Variants in ZBTB10 observed in about 807,000 individuals in gnomAD.
ZBTB10 encodes the protein zinc finger and BTB domain containing 10, also known as zinc finger and BTB domain-containing protein 10.
In ZBTB10, 32 loss-of-function variants were observed where a neutral mutation model predicts 76.4. The observed-to-expected ratio is 0.42, with a 90% CI of 0.32 to 0.56. ZBTB10 has a LOEUF of 0.56. Ranked by LOEUF, ZBTB10 falls within the 20% of genes least tolerant of loss-of-function variation. The pLI, the probability that ZBTB10 is intolerant of heterozygous loss-of-function variation, is 0.14. For synonymous variants in ZBTB10, 523 were observed against 432.9 expected (o/e 1.21, Z -2.58); for missense variants, 1,057 against 1,098.5 (o/e 0.96, Z 0.53).
chr8:80,513,733 C>T (rs201970760), intron 2 of ZBTB10, among the ~76,000 whole-genome samples, 177 bp from the exon 3 acceptor site: 5,616 of 149,674 alleles, frequency 0.038, 239 homozygotes, highest in East Asian at 0.23. Flanking sequence ...AACCAGTACA[C>T]TGTACTCACT....
At chr8:80,513,820 T>TA in intron 2 of ZBTB10, 90 bp from the exon 3 acceptor site, 1 of 1,025,228 alleles carries the variant, frequency 9.8e-7, no homozygotes, top group East Asian at 2.6e-5. Flanking sequence ...TGGTACTTTT[T>TA]ATTTAAGAAA....
chr8:80,485,818 T>C (rs1815429731), upstream of ZBTB10: 1 of 1,535,646 alleles, frequency 6.5e-7, no homozygotes, highest in Non-Finnish European at 8.7e-7. Flanking sequence ...CACCGCACAG[T>C]TATTTGCAAA....
intron 2 of ZBTB10, among the ~76,000 whole-genome samples, chr8:80,509,820 C>G (rs942728511): frequency 1.9e-4 from 29 of 152,030 alleles, no homozygotes; most frequent in African/African-American, 7.0e-4. Flanking sequence ...CTTGGTCTTT[C>G]ACCCATGGAG....
At chr8:80,518,313 G>A (rs1232216275) in intron 3 of ZBTB10, 90 bp from the exon 4 acceptor site, 9 of 1,240,902 alleles carry the variant, frequency 7.3e-6, no homozygotes, top group Admixed American at 5.7e-5. Flanking sequence ...CATAATGCCT[G>A]TAGGATATAA....
intron 3 of ZBTB10, among the ~76,000 whole-genome samples, chr8:80,515,887 A>G (rs1377859220): frequency 6.6e-6 from 1 of 152,234 alleles, no homozygotes; most frequent in Non-Finnish European, 1.5e-5. Flanking sequence ...TTGAATTACA[A>G]TGACAGTACC....
chr8:80,486,372 C>G lies in ZBTB10; in HGVS notation c.-439C>G. On this transcript the variant is annotated 5_prime_UTR_variant, in exon 1 of 6. Transcript: ENST00000455036. The stretch of plus-strand genomic sequence containing the variant: ...AGCCGGCGGCGGCGTCGGGACTCCT[C>G]GGCGCGCGGAGGAAGGATATCTGTG... The G allele has an allele frequency of 1.0e-6, 1 of 988,858 alleles. No homozygotes were observed. The highest frequency in any genetic ancestry group is 1.2e-6 in the Non-Finnish European group (1 of 832,730). The allele number at this position is 988,858 out of a possible 1,614,324, so 61.3% of individuals were successfully genotyped here. A position where few individuals can be genotyped will look rare whatever the true frequency, so the allele number is the denominator to read the frequency against.
rs1299639803 is a variant in ZBTB10 at position 80,524,229 on chromosome 8, G to GT, written c.*4707dup. ...GTTTGAATTATGGAATACTATAAGG[G>GT]TTTTTTGTTTATTTGTATGTTTTTA... is the stretch of plus-strand genomic sequence containing the variant. On this transcript the variant is annotated 3_prime_UTR_variant, in exon 6 of 6. Coordinates refer to ENST00000455036, the MANE Select transcript of ZBTB10 (RefSeq NM_001105539.3). 3 of 151,894 alleles carry GT rather than the reference G, an allele frequency of 2.0e-5. No individual in the cohort carries two copies. Among genetic ancestry groups the GT allele is most frequent in the Non-Finnish European group, 4.4e-5 (3 of 67,880 alleles). 9.4% of individuals were successfully genotyped at this position (151,894 alleles called of 1,614,324 possible).
rs1257648450 is a variant in ZBTB10, at chr8:80,487,283, C to A, written c.473C>A (p.Pro158Gln). Residue 158 changes from proline (P) to glutamine (Q), a missense_variant, in exon 1 of 6, where the codon CCG becomes CAG. Around this residue, in one of 5 missense-constraint regions of ZBTB10, gnomAD observed 556 missense variants for 451.7 expected, o/e 1.23. Transcript: ENST00000455036. ...TTGAGGCATTTCAATGGGCGAGGGC[C>A]GGCGACTGTGGATCTGGAGCTGGAC... is the stretch of plus-strand genomic sequence containing the variant. Reference protein sequence around the residue: ...WPLRHFNGRGPATVDLELDAL... With the variant: ...WPLRHFNGRGQATVDLELDAL... 23 of 1,549,884 alleles carry A rather than the reference C, an allele frequency of 1.5e-5. No individual in the cohort carries two copies. In the East Asian group the frequency reaches 5.4e-4, roughly 36 times the overall value.
rs111720040 is a variant in ZBTB10 at position 80,494,046 on chromosome 8, C to A, written c.973-5448C>A. Among the ~76,000 whole-genome samples the A allele has an allele frequency of 1.2e-3, 183 of 152,270 alleles. 3 individuals carry two copies. The highest frequency in any genetic ancestry group is 4.3e-3 in the African/African-American group (180 of 41,542). On this transcript the variant is annotated intron_variant, in intron 1 of 5. Transcript: ENST00000455036. ...ACTAGCATGTATTTGGCAAAACTTG[C>A]TATGGCCTTGTTTGTCTTCCTTCTA...
chr8:80,512,633 A>G (rs1317164734), intron 2 of ZBTB10, among the ~76,000 whole-genome samples: 5 of 152,050 alleles, frequency 3.3e-5, no homozygotes, highest in Non-Finnish European at 5.9e-5. Flanking sequence ...AATCGGTTGA[A>G]CCTGGGAGGC....
chr8:80,504,310 A>C (rs139571289), intron 2 of ZBTB10, among the ~76,000 whole-genome samples: 1 of 152,296 alleles, frequency 6.6e-6, no homozygotes, highest in Admixed American at 6.5e-5. Flanking sequence ...TCTGCAAACA[A>C]TGCTTGGCAT....
At chr8:80,493,205 G>GCACACACACACACACACACA (rs1475902734) in intron 1 of ZBTB10, among the ~76,000 whole-genome samples, 3 of 98,372 alleles carry the variant, frequency 3.0e-5, no homozygotes, top group African/African-American at 1.1e-4. Context: ...GCGCGCGCGC[G>GCACACACACACACACACACA]CGCACACACA....
At chr8:80,493,207 G>GCGCGCGCGCGCGCGCGCACACA (rs375071529) in intron 1 of ZBTB10, among the ~76,000 whole-genome samples, 3 of 125,240 alleles carry the variant, frequency 2.4e-5, no homozygotes, top group Non-Finnish European at 5.1e-5. Flanking sequence ...GCGCGCGCGC[G>GCGCGCGCGCGCGCGCGCACACA]CACACACACA....
At position 80,524,312 on chromosome 8, in the gene ZBTB10, G is replaced by T. The variant is rs1438552169; in HGVS notation, c.*4784G>T. 1 of 152,058 alleles carries T rather than the reference G, an allele frequency of 6.6e-6. No homozygotes were observed. The highest frequency in any genetic ancestry group is 1.5e-5 in the Non-Finnish European group (1 of 67,942). 9.4% of individuals were successfully genotyped at this position (152,058 alleles called of 1,614,324 possible). Reference sequence around the variant, plus strand: ...AGTAATCCTGCTTTAATTAATAGCAGTGATTTGTAATCAGTGTATCTTTTA... The same window carrying T: ...AGTAATCCTGCTTTAATTAATAGCATTGATTTGTAATCAGTGTATCTTTTA... On this transcript the variant is annotated 3_prime_UTR_variant, in exon 6 of 6. Transcript: ENST00000455036.
rs1016969462 is a variant in ZBTB10, at chr8:80,520,767, G to A, written c.*1239G>A. 1 of 138,346 alleles carries A rather than the reference G, an allele frequency of 7.2e-6. No homozygotes were observed. Among genetic ancestry groups the A allele is most frequent in the African/African-American group, 3.2e-5 (1 of 31,094 alleles). 8.6% of individuals were successfully genotyped at this position (138,346 alleles called of 1,614,324 possible). A position where few individuals can be genotyped will look rare whatever the true frequency, so the allele number is the denominator to read the frequency against. Reference sequence around the variant, plus strand: ...TCAAAAATCTTACAAATAAAATTCTGAGAAGCTTTATTATTCTATAAATTC... The same window carrying A: ...TCAAAAATCTTACAAATAAAATTCTAAGAAGCTTTATTATTCTATAAATTC... On this transcript the variant is annotated 3_prime_UTR_variant, in exon 6 of 6. Transcript: ENST00000455036.
intron 2 of ZBTB10, among the ~76,000 whole-genome samples, chr8:80,509,024 C>T (rs1275240252): frequency 6.6e-6 from 1 of 152,076 alleles, no homozygotes; most frequent in African/African-American, 2.4e-5. Flanking sequence ...ACAGTTGAGC[C>T]TAGTCTAAGT....
chr8:80,500,209 T>G lies in ZBTB10; in HGVS notation c.1688T>G (p.Met563Arg). Reference protein sequence around the residue: ...GQTKVFIWNNMGSQGIQETGK... With the variant: ...GQTKVFIWNNRGSQGIQETGK... ...ACAAAAGTGTTTATTTGGAATAATA[T>G]GGGCTCCCAGGGAATTCAAGAGACT... Residue 563 changes from methionine to arginine, a missense_variant, in exon 2 of 6, where the codon ATG becomes AGG. Coordinates refer to ENST00000455036, the MANE Select transcript of ZBTB10 (RefSeq NM_001105539.3). 6.2e-7 allele frequency: 1 copy of G among 1,601,282 alleles called. No homozygotes were observed. Among genetic ancestry groups the G allele is most frequent in the South Asian group, 1.1e-5 (1 of 89,564 alleles).
intron 3 of ZBTB10, among the ~76,000 whole-genome samples, chr8:80,515,888 T>C (rs1333132565): frequency 6.6e-6 from 1 of 152,236 alleles, no homozygotes; most frequent in Non-Finnish European, 1.5e-5. Flanking sequence ...TGAATTACAA[T>C]GACAGTACCT....
intron 3 of ZBTB10, among the ~76,000 whole-genome samples, 168 bp from the exon 4 acceptor site, chr8:80,518,235 A>G (rs1204079628): frequency 1.3e-5 from 2 of 151,892 alleles, no homozygotes; most frequent in South Asian, 2.1e-4. Context: ...TTGTGATAAT[A>G]AAGTAGGAAG....
Sources: allele counts gnomAD v4.1 joint callset (sites outside exome capture counted in the v4.1 genomes callset), GRCh38; gene constraint gnomAD v4.1.1; regional missense constraint gnomAD v4.1.1; transcripts MANE v1.5; gene names NCBI Gene and HGNC (gene_info 2026-07-23, HGNC 2026-07-21).